NTRK2: variants seen among roughly 807,000 people sequenced by gnomAD.
The protein encoded by NTRK2 is BDNF/NT-3 growth factors receptor.
Under a neutral mutation model 94.5 loss-of-function variants are expected in NTRK2, and 13 were observed. The observed-to-expected ratio is 0.14, with a 90% CI of 0.09 to 0.22. NTRK2 has a LOEUF of 0.22. Among genes scored for constraint, NTRK2 ranks in the 10% least tolerant of loss-of-function variants. The probability of loss-of-function intolerance (pLI) is 1.00; values close to 1 mark genes in which losing one functional copy is unlikely to be tolerated. For missense variants in NTRK2, 639 were observed against 1,071.2 expected (o/e 0.60, Z 5.63); for synonymous variants, 372 against 407.4 (o/e 0.91, Z 1.05).
In NTRK2 at chr9:84,900,320, A is replaced by T. The variant is rs146789182; in HGVS notation, c.1633+32889A>T. ...GTAAAGAGCAGACGTGGGACCAGAC[A>T]TCAAGCTACTTGTTTCTGCTCATTG... On this transcript the variant is annotated intron_variant, in intron 14 of 18. Coordinates refer to ENST00000277120, the MANE Select transcript of NTRK2 (RefSeq NM_006180.6). Among the ~76,000 whole-genome samples, 4 of 152,310 alleles carry T rather than the reference A, an allele frequency of 2.6e-5. No individual in the cohort carries two copies. The East Asian group carries it at 7.7e-4, about 29-fold the overall frequency.
chr9:84,750,051 C>G (rs1055383901), intron 11 of NTRK2, among the ~76,000 whole-genome samples: 5 of 152,120 alleles, frequency 3.3e-5, no homozygotes, highest in African/African-American at 1.2e-4. Flanking sequence ...TTCTTTATGA[C>G]AGAGATAAAG....
chr9:84,749,611 A>C, intron 11 of NTRK2, among the ~76,000 whole-genome samples: 1 of 152,208 alleles, frequency 6.6e-6, no homozygotes, highest in East Asian at 1.9e-4. Context: ...TCATCATCAC[A>C]GCTAACATTA....
intron 15 of NTRK2, among the ~76,000 whole-genome samples, chr9:84,944,113 C>T (rs1036751668): frequency 6.6e-6 from 1 of 151,310 alleles, no homozygotes; most frequent in African/African-American, 2.4e-5. Flanking sequence ...GGCTCTTTTC[C>T]ATATTTTGCT....
In NTRK2 at chr9:84,751,958, T is replaced by C. The variant is rs79077429; in HGVS notation, c.1297-28T>C. On this transcript the variant is annotated intron_variant, in intron 11 of 18. Coordinates refer to ENST00000277120, the MANE Select transcript of NTRK2 (RefSeq NM_006180.6). ...ATTATAGGGAACTAATTAGCAAGGT[T>C]ATAACCACCCTCCCTTCCTTTCTCT... is the stretch of plus-strand genomic sequence containing the variant. 5,508 of 1,589,208 alleles carry C rather than the reference T, an allele frequency of 3.5e-3. 179 individuals carry two copies. In the African/African-American group the frequency reaches 0.066, roughly 19 times the overall value.
chr9:84,932,885 T>C (rs1587974467), intron 14 of NTRK2, among the ~76,000 whole-genome samples: 1 of 152,298 alleles, frequency 6.6e-6, no homozygotes, highest in East Asian at 1.9e-4. Flanking sequence ...ATTTCTCTTA[T>C]AAATTAAGTC....
At chr9:84,732,543 T>C (rs2062964092) in intron 9 of NTRK2, among the ~76,000 whole-genome samples, 1 of 152,208 alleles carries the variant, frequency 6.6e-6, no homozygotes. Flanking sequence ...AACAATCCTT[T>C]GGTTATTTTC....
At chr9:84,701,652 G>T (rs1047500058) in intron 2 of NTRK2, among the ~76,000 whole-genome samples, 1 of 152,168 alleles carries the variant, frequency 6.6e-6, no homozygotes, top group Non-Finnish European at 1.5e-5. Context: ...GAGATGCTGG[G>T]CCAGGAAAAT....
chr9:84,823,615 C>A (rs925077153), intron 12 of NTRK2, among the ~76,000 whole-genome samples: 1 of 152,190 alleles, frequency 6.6e-6, no homozygotes, highest in Non-Finnish European at 1.5e-5. Flanking sequence ...ATGCCCCATG[C>A]ACAGGATAGG....
intron 15 of NTRK2, among the ~76,000 whole-genome samples, chr9:84,945,009 T>C (rs2078548478): frequency 6.6e-6 from 1 of 152,226 alleles, no homozygotes; most frequent in Non-Finnish European, 1.5e-5. Flanking sequence ...CTTCTTCTGA[T>C]GCTAAGCTAG....
intron 14 of NTRK2, chr9:84,874,956 A>C (rs2076010401): frequency 9.5e-7 from 1 of 1,056,182 alleles, no homozygotes; most frequent in East Asian, 5.3e-5. Context: ...AATGCCTTCA[A>C]GTGCCCTAAA....
At chr9:84,919,234 A>C (rs546413120) in intron 14 of NTRK2, among the ~76,000 whole-genome samples, 1 of 152,306 alleles carries the variant, frequency 6.6e-6, no homozygotes, top group South Asian at 2.1e-4. Context: ...GTGTCTATAA[A>C]GCCTTTCCGA....
intron 17 of NTRK2, among the ~76,000 whole-genome samples, chr9:84,983,466 C>T (rs1208130192): frequency 1.3e-5 from 2 of 152,218 alleles, no homozygotes; most frequent in East Asian, 1.9e-4. Context: ...AAACAACTGT[C>T]TTTGAACCCT....
chr9:84,877,826 G>C, intron 14 of NTRK2: 2 of 1,045,256 alleles, frequency 1.9e-6, no homozygotes, highest in Non-Finnish European at 2.3e-6. Flanking sequence ...GAGATCTTTT[G>C]TACTGGAATT....
chr9:84,806,615 C>T (rs769370977), intron 12 of NTRK2, among the ~76,000 whole-genome samples: 2 of 152,136 alleles, frequency 1.3e-5, no homozygotes, highest in Non-Finnish European at 2.9e-5. Context: ...TCTTGGGTGA[C>T]CTTGGACAAT....
At chr9:84,720,338 A>G (rs990692649) in intron 6 of NTRK2, among the ~76,000 whole-genome samples, 1 of 152,230 alleles carries the variant, frequency 6.6e-6, no homozygotes, top group Non-Finnish European at 1.5e-5. Context: ...CTGAGAAACT[A>G]CAGATAGAGT....
intron 9 of NTRK2, among the ~76,000 whole-genome samples, chr9:84,738,248 A>G (rs1417865786): frequency 6.6e-6 from 1 of 151,510 alleles, no homozygotes; most frequent in East Asian, 1.9e-4. Context: ...TCAAAACCCC[A>G]CTTTCAGGGG....
rs72737676 is a variant in NTRK2, at chr9:84,722,305, G to T, written c.584-1268G>T. Among the ~76,000 whole-genome samples, 283 of 151,736 alleles carry T rather than the reference G, an allele frequency of 1.9e-3. 1 individual carries two copies. Among genetic ancestry groups the T allele is most frequent in the Non-Finnish European group, 3.0e-3 (203 of 67,968 alleles). ...TCTTATTGGGGAATCCTCTCCCAGT[G>T]GTGGGATAACCATGAAATATAGACT... is the stretch of plus-strand genomic sequence containing the variant. On this transcript the variant is annotated intron_variant, in intron 6 of 18. Transcript: ENST00000277120.
intron 13 of NTRK2, among the ~76,000 whole-genome samples, chr9:84,864,579 C>T (rs1017380967): frequency 6.6e-6 from 1 of 152,172 alleles, no homozygotes; most frequent in Non-Finnish European, 1.5e-5. Context: ...GAGAAACATG[C>T]AGCCTTGGCT....
intron 4 of NTRK2, among the ~76,000 whole-genome samples, chr9:84,703,125 A>G (rs1048692722): frequency 6.6e-6 from 1 of 152,228 alleles, no homozygotes; most frequent in African/African-American, 2.4e-5. Context: ...AGATCACCTA[A>G]GTGCAGAATA....
Sources: allele counts gnomAD v4.1 joint callset (sites outside exome capture counted in the v4.1 genomes callset), GRCh38; gene constraint gnomAD v4.1.1; transcripts MANE v1.5; gene names NCBI Gene and HGNC (gene_info 2026-07-23, HGNC 2026-07-21).